Variants in LIN52 observed in about 807,000 individuals in gnomAD.
LIN52 encodes protein lin-52 homolog.
LIN52 carries 4 observed loss-of-function variants against 18.5 expected under a neutral mutation model. The observed-to-expected ratio is 0.22, with a 90% CI of 0.11 to 0.49. LIN52 has a LOEUF of 0.49. Among genes scored for constraint, LIN52 ranks in the 20% least tolerant of loss-of-function variants. The pLI is 0.97. For missense variants in LIN52, 102 were observed against 139.5 expected, an observed-to-expected ratio of 0.73 and a Z score of 1.35; for synonymous variants, 34 against 45.5, an observed-to-expected ratio of 0.75 and a Z score of 1.02.
chr14:74,117,691 GT>G, intron 5 of LIN52, among the ~76,000 whole-genome samples: 1 of 152,230 alleles, frequency 6.6e-6, no homozygotes, highest in South Asian at 2.1e-4. Context: ...AATAAGGAGT[GT>G]TTTTGTATTT....
chr14:74,122,963 G>T (rs1409311232), intron 5 of LIN52, among the ~76,000 whole-genome samples: 1 of 152,166 alleles, frequency 6.6e-6, no homozygotes, highest in African/African-American at 2.4e-5. Flanking sequence ...ATCTGCAGGT[G>T]TTCCCTGACC....
chr14:74,130,293 T>TC (rs2061057286), intron 5 of LIN52, among the ~76,000 whole-genome samples: 2 of 141,976 alleles, frequency 1.4e-5, no homozygotes, highest in African/African-American at 2.7e-5. Context: ...TTTTTTTTTT[T>TC]TTTGAGACAG....
At chr14:74,103,725 C>A (rs1382148951) in intron 5 of LIN52, among the ~76,000 whole-genome samples, 1 of 137,388 alleles carries the variant, frequency 7.3e-6, no homozygotes, top group Non-Finnish European at 1.5e-5. Flanking sequence ...AGCCACCGGG[C>A]CTGGCCAGTT....
At chr14:74,140,333 T>G (rs1396235505) in intron 5 of LIN52, among the ~76,000 whole-genome samples, 3 of 152,182 alleles carry the variant, frequency 2.0e-5, no homozygotes, top group African/African-American at 7.2e-5. Flanking sequence ...CTTCTTTACC[T>G]CCTCGATCCA....
At chr14:74,091,595 C>T (rs1483056880) in intron 2 of LIN52, among the ~76,000 whole-genome samples, 1 of 151,460 alleles carries the variant, frequency 6.6e-6, no homozygotes, top group Non-Finnish European at 1.5e-5. Context: ...ATGGTGAAAC[C>T]CTGTCTCTAC....
At position 74,095,934 on chromosome 14, in the gene LIN52, G is replaced by C. The variant is rs2060808703; in HGVS notation, c.95-14G>C. On this transcript the variant is annotated splice_polypyrimidine_tract_variant and intron_variant, in intron 2 of 5. Transcript: ENST00000555028. ...ATACTTATTGAATAAATAAAGTTTT[G>C]TTTTTCTTTTTAGTACCAGGTGTTG... 1 of 1,589,310 alleles carries C rather than the reference G, an allele frequency of 6.3e-7. No homozygotes were observed. Among genetic ancestry groups the C allele is most frequent in the Non-Finnish European group, 8.6e-7 (1 of 1,161,544 alleles).
At chr14:74,159,567 GT>G (rs11288935) in intron 5 of LIN52, among the ~76,000 whole-genome samples, 114,142 of 133,792 alleles carry the variant, frequency 0.85, 48,168 homozygotes, top group Non-Finnish European at 0.87. Flanking sequence ...TGTGGGGTTT[GT>G]TTTTTTTTTT....
Position 74,092,101 on chromosome 14 carries a change from G to C in LIN52, c.94+795G>C, listed in dbSNP as rs186580376. Reference sequence around the variant, plus strand: ...TTGTCCTGCCTCAGCCTCCCAAGTAGCTGGGACTACAGGTGCATGCCACCA... The same window carrying C: ...TTGTCCTGCCTCAGCCTCCCAAGTACCTGGGACTACAGGTGCATGCCACCA... On this transcript the variant is annotated intron_variant, in intron 2 of 5. Transcript: ENST00000555028. Among the ~76,000 whole-genome samples, 615 of 151,858 alleles carry C rather than the reference G, an allele frequency of 4.0e-3. 3 individuals carry two copies. Among genetic ancestry groups the C allele is most frequent in the Non-Finnish European group, 5.1e-3 (344 of 67,974 alleles).
intron 5 of LIN52, among the ~76,000 whole-genome samples, chr14:74,141,697 A>G (rs2061132246): frequency 6.6e-6 from 1 of 152,194 alleles, no homozygotes; most frequent in Non-Finnish European, 1.5e-5. Context: ...GTGTAGTGAT[A>G]TGCACCCCAC....
chr14:74,192,074 G>C (rs1270781560), intron 5 of LIN52, among the ~76,000 whole-genome samples: 2 of 149,722 alleles, frequency 1.3e-5, no homozygotes, highest in East Asian at 3.9e-4. Flanking sequence ...ACAGATGCAA[G>C]TCATTTGTGT....
intron 1 of LIN52, among the ~76,000 whole-genome samples, chr14:74,089,340 A>C (rs1449540356): frequency 2.0e-5 from 3 of 151,644 alleles, no homozygotes; most frequent in Non-Finnish European, 4.4e-5. Flanking sequence ...TATGGTTTTG[A>C]AGATAATTAG....
In LIN52 at chr14:74,130,074, G is replaced by C. The variant is rs143905754; in HGVS notation, c.283+28836G>C. On this transcript the variant is annotated intron_variant, in intron 5 of 5. Transcript: ENST00000555028. The stretch of plus-strand genomic sequence containing the variant: ...CTCATGCAGACCCACTTGCTATCAG[G>C]AGAACAGTATGGGAGAAACTGCCCC... Among the ~76,000 whole-genome samples the C allele has an allele frequency of 1.3e-3, 192 of 151,980 alleles. 2 individuals carry two copies. The highest frequency in any genetic ancestry group is 4.4e-3 in the African/African-American group (181 of 41,442).
intron 5 of LIN52, among the ~76,000 whole-genome samples, chr14:74,151,707 A>G (rs529898539): frequency 6.6e-6 from 1 of 152,324 alleles, no homozygotes; most frequent in African/African-American, 2.4e-5. Flanking sequence ...AGAAGTCAAG[A>G]GTTATCAGCC....
intron 5 of LIN52, among the ~76,000 whole-genome samples, chr14:74,182,289 G>C (rs990215672): frequency 1.2e-4 from 19 of 152,212 alleles, no homozygotes; most frequent in Admixed American, 1.1e-3. Context: ...TGGGATTACA[G>C]GTGTGAGCTA....
chr14:74,163,605 T>A (rs2061235593), intron 5 of LIN52, among the ~76,000 whole-genome samples: 1 of 152,196 alleles, frequency 6.6e-6, no homozygotes, highest in Non-Finnish European at 1.5e-5. Context: ...CTCTGGCTTT[T>A]CTTTCGAAAC....
At chr14:74,171,736 C>CTTTT (rs534860812) in intron 5 of LIN52, among the ~76,000 whole-genome samples, 1,367 of 122,496 alleles carry the variant, frequency 0.011, 99 homozygotes, top group African/African-American at 0.033. Context: ...TATTTTAATT[C>CTTTT]TTTTTTTTTT....
intron 5 of LIN52, among the ~76,000 whole-genome samples, chr14:74,112,916 G>T (rs566322528): frequency 6.6e-5 from 10 of 152,160 alleles, no homozygotes; most frequent in Non-Finnish European, 1.0e-4. Flanking sequence ...GGGAGAAGAG[G>T]CAATTGCATT....
chr14:74,137,344 AAT>A (rs2061103426), intron 5 of LIN52, among the ~76,000 whole-genome samples: 1 of 151,576 alleles, frequency 6.6e-6, no homozygotes. Context: ...TAAAAAATCT[AAT>A]ATATTTTCAC....
At chr14:74,129,767 G>T (rs546540693) in intron 5 of LIN52, among the ~76,000 whole-genome samples, 7 of 152,298 alleles carry the variant, frequency 4.6e-5, no homozygotes, top group African/African-American at 1.7e-4. Context: ...AGGATTCCTT[G>T]AATCCAGGAA....
Sources: allele counts gnomAD v4.1 joint callset (sites outside exome capture counted in the v4.1 genomes callset), GRCh38; gene constraint gnomAD v4.1.1; transcripts MANE v1.5; gene names NCBI Gene and HGNC (gene_info 2026-07-23, HGNC 2026-07-21).